MED12L: variants seen among roughly 807,000 people sequenced by gnomAD.
MED12L encodes mediator of RNA polymerase II transcription subunit 12-like protein.
A neutral mutation model predicts 281.3 loss-of-function variants in MED12L; 60 were observed. The observed-to-expected ratio is 0.21, with a 90% CI of 0.17 to 0.26. The LOEUF (loss-of-function observed/expected upper bound fraction) is 0.26. Among genes scored for constraint, MED12L ranks in the 10% least tolerant of loss-of-function variants. The pLI, the probability that MED12L is intolerant of heterozygous loss-of-function variation, is 1.00. For missense variants in MED12L, 2,146 were observed against 2,680.9 expected (o/e 0.80, Z 4.41); for synonymous variants, 974 against 987.2 (o/e 0.99, Z 0.25).
At chr3:151,252,553 T>C (rs1410938937) in intron 16 of MED12L, among the ~76,000 whole-genome samples, 2 of 152,220 alleles carry the variant, frequency 1.3e-5, no homozygotes, top group African/African-American at 4.8e-5. Context: ...AGTAAAGATG[T>C]GTTGCTTCCT....
At chr3:151,179,373 A>T (rs1722450403) in intron 11 of MED12L, among the ~76,000 whole-genome samples, 1 of 152,108 alleles carries the variant, frequency 6.6e-6, no homozygotes, top group African/African-American at 2.4e-5. Context: ...AGAGAAACAT[A>T]TACTTTATTT....
Position 151,435,609 on chromosome 3 carries a change from A to G in MED12L, c.*2805A>G, listed in dbSNP as rs1270525886. 4 of 111,366 alleles carry G rather than the reference A, an allele frequency of 3.6e-5. No individual in the cohort carries two copies. Among genetic ancestry groups the G allele is most frequent in the African/African-American group, 1.3e-4 (4 of 31,210 alleles). The allele number at this position is 111,366 out of a possible 1,614,324, so 6.9% of individuals were successfully genotyped here. A position where few individuals can be genotyped will look rare whatever the true frequency, so the allele number is the denominator to read the frequency against. On this transcript the variant is annotated 3_prime_UTR_variant, in exon 45 of 45. Transcript: ENST00000687756. Reference sequence around the variant, plus strand: ...CTATGGCATTTTTTTCCCATTTATAAAGCTCCTATAATTCTTAAGTAAGTA... The same window carrying G: ...CTATGGCATTTTTTTCCCATTTATAGAGCTCCTATAATTCTTAAGTAAGTA...
chr3:151,149,769 T>G (rs898485451), intron 5 of MED12L, among the ~76,000 whole-genome samples: 4 of 152,216 alleles, frequency 2.6e-5, no homozygotes, highest in African/African-American at 9.6e-5. Flanking sequence ...ATATTCCAAA[T>G]CCTTTGTTGT....
intron 7 of MED12L, among the ~76,000 whole-genome samples, chr3:151,159,441 A>G (rs568309477): frequency 5.3e-5 from 8 of 152,300 alleles, no homozygotes; most frequent in Non-Finnish European, 1.0e-4. Context: ...GCCACTAGCC[A>G]GATGTGGCTA....
At chr3:151,138,342 A>G (rs190160438) in intron 5 of MED12L, among the ~76,000 whole-genome samples, 1 of 152,310 alleles carries the variant, frequency 6.6e-6, no homozygotes, top group South Asian at 2.1e-4. Flanking sequence ...GAAATTGAGA[A>G]GATAGTACAG....
chr3:151,165,669 A>G (rs1198358083), intron 10 of MED12L, 150 bp downstream of exon 10: 1 of 925,554 alleles, frequency 1.1e-6, no homozygotes, highest in African/African-American at 1.6e-5. Context: ...TATGCCTTTT[A>G]GATCCTGGCT....
In MED12L at chr3:151,105,412, G is replaced by A. The variant is rs996464543; in HGVS notation, c.100-10926G>A. On this transcript the variant is annotated intron_variant, in intron 2 of 44. Transcript: ENST00000687756. ...CTCCCACTTCTTCCTCTGCTCTTTC[G>A]AGTCTGGTTCTGCCCTCATCTTTCT... is the stretch of plus-strand genomic sequence containing the variant. 5.9e-5 allele frequency among the ~76,000 whole-genome samples: 9 copies of A among 152,058 alleles called. No individual in the cohort carries two copies. The East Asian group carries it at 1.7e-3, about 29-fold the overall frequency.
In MED12L at chr3:151,314,320, G is replaced by A. The variant is rs371724291; in HGVS notation, c.2251-35739G>A. ...CAAATATTCTATTCTGCCTGTGTTT[G>A]CCATATAAGGAGGGAGAGGATTTCG... On this transcript the variant is annotated intron_variant, in intron 16 of 44. Coordinates refer to ENST00000687756, the MANE Select transcript of MED12L (RefSeq NM_001393769.1). Among the ~76,000 whole-genome samples the A allele has an allele frequency of 3.3e-5, 5 of 152,312 alleles. No homozygotes were observed. In the East Asian group the frequency reaches 9.6e-4, roughly 29 times the overall value.
intron 16 of MED12L, among the ~76,000 whole-genome samples, chr3:151,274,526 G>C (rs1294912711): frequency 6.6e-6 from 1 of 152,180 alleles, no homozygotes; most frequent in Admixed American, 6.5e-5. Context: ...CAACACTAAA[G>C]GCCACCTCCT....
At position 151,122,887 on chromosome 3, in the gene MED12L, G is replaced by T; in HGVS notation, c.309G>T (p.Trp103Cys). 1 of 1,612,772 alleles carries T rather than the reference G, an allele frequency of 6.2e-7. No homozygotes were observed. Among genetic ancestry groups the T allele is most frequent in the Non-Finnish European group, 8.5e-7 (1 of 1,179,406 alleles). ...AAGTTAATGCTAAAGATAATTATTG[G>T]CTGGTTACTGCTCGATCCCAGAGTG... The part of the protein sequence containing the change: ...KPQVNAKDNY[W>C]LVTARSQSAI... The change falls in exon 4 of 45, where the codon TGG (tryptophan) becomes TGT (cysteine). Residue 103 changes from tryptophan (W) to cysteine (C), a missense_variant. Physicochemically the swap from Trp to Cys is radical, Grantham distance 215. Transcript: ENST00000687756.
intron 2 of MED12L, among the ~76,000 whole-genome samples, chr3:151,099,677 A>C (rs944472012): frequency 6.6e-6 from 1 of 152,146 alleles, no homozygotes; most frequent in Non-Finnish European, 1.5e-5. Context: ...GACTTGGAAA[A>C]CTACTTGTTT....
chr3:151,159,784 C>T, intron 7 of MED12L, 48 bp from the exon 8 acceptor site: 3 of 1,526,986 alleles, frequency 2.0e-6, no homozygotes, highest in South Asian at 1.2e-5. Context: ...GTTATTTAAC[C>T]AAGACGCATA....
At chr3:151,309,145 A>G (rs1461263306) in intron 16 of MED12L, among the ~76,000 whole-genome samples, 7 of 150,004 alleles carry the variant, frequency 4.7e-5, no homozygotes, top group African/African-American at 9.9e-5. Flanking sequence ...ACACACGCAC[A>G]CACACACACA....
rs373269365 is a variant in MED12L at position 151,403,128 on chromosome 3, TA to T, written c.5821-6113del. ...ATAATTATAGTCTTCATTTCACTGT[TA>T]ACTCGGTTTATGTTTGAGACTGTAA... On this transcript the variant is annotated intron_variant, in intron 39 of 44. Coordinates refer to ENST00000687756, the MANE Select transcript of MED12L (RefSeq NM_001393769.1). Among the ~76,000 whole-genome samples the T allele has an allele frequency of 7.9e-3, 1,196 of 152,326 alleles. 8 individuals carry two copies. Among genetic ancestry groups the T allele is most frequent in the South Asian group, 0.024 (114 of 4,826 alleles).
intron 23 of MED12L, among the ~76,000 whole-genome samples, chr3:151,367,097 A>G (rs1470586111): frequency 8.3e-6 from 1 of 120,044 alleles, no homozygotes; most frequent in East Asian, 2.6e-4. Flanking sequence ...ACTGTGACTG[A>G]ATTAATTTCC....
intron 11 of MED12L, among the ~76,000 whole-genome samples, chr3:151,184,946 C>T (rs1291147466): frequency 6.6e-6 from 1 of 152,016 alleles, no homozygotes; most frequent in Non-Finnish European, 1.5e-5. Context: ...CTGAGGGTGC[C>T]AACAGTAGAG....
intron 5 of MED12L, among the ~76,000 whole-genome samples, chr3:151,138,072 TC>T (rs1245079197): frequency 2.0e-5 from 3 of 152,204 alleles, no homozygotes; most frequent in Admixed American, 1.3e-4. Context: ...TTTTTAATCT[TC>T]CAGTTTTTAT....
intron 16 of MED12L, among the ~76,000 whole-genome samples, chr3:151,229,891 G>A (rs754526465): frequency 6.6e-6 from 1 of 152,182 alleles, no homozygotes; most frequent in Non-Finnish European, 1.5e-5. Flanking sequence ...GCTTGAAGAT[G>A]TTGTTCAAGT....
At chr3:151,384,395 CTTGA>C (rs771065243) in intron 35 of MED12L, among the ~76,000 whole-genome samples, 177 bp downstream of exon 35, 1 of 152,078 alleles carries the variant, frequency 6.6e-6, no homozygotes, top group Non-Finnish European at 1.5e-5. Context: ...TGCACATAAC[CTTGA>C]TTATTTTTTA....
Sources: gnomAD v4.1 joint callset for allele counts (sites outside exome capture counted in the v4.1 genomes callset) on GRCh38, gnomAD v4.1.1 for gene constraint, MANE v1.5 for transcripts, NCBI Gene and HGNC (gene_info 2026-07-23, HGNC 2026-07-21) for gene names.